STIL: variants seen among roughly 807,000 people sequenced by gnomAD.
STIL encodes STIL centriolar assembly protein, also known as SCL-interrupting locus protein.
In STIL, 55 loss-of-function variants were observed where a neutral mutation model predicts 110.1. The ratio of observed to expected loss-of-function variants is 0.50; its 90% CI spans 0.40 to 0.63. The LOEUF (loss-of-function observed/expected upper bound fraction) is 0.63, where lower values mean the gene tolerates loss of function less well. STIL is among the 20% of genes least tolerant of loss of function. The pLI is 0.00. For missense variants in STIL, 1,358 were observed against 1,530.0 expected (o/e 0.89, Z 1.87); for synonymous variants, 481 against 530.0 (o/e 0.91, Z 1.27).
At chr1:47,278,153 T>C (rs58688029) in intron 12 of STIL, among the ~76,000 whole-genome samples, 26,541 of 152,100 alleles carry the variant, frequency 0.17, 2,957 homozygotes, top group East Asian at 0.52. Flanking sequence ...TACTTGCACA[T>C]AGGTAGTAAG....
At chr1:47,299,801 T>C (rs1645750226) in intron 6 of STIL, 104 bp downstream of exon 6, 1 of 1,207,038 alleles carries the variant, frequency 8.3e-7, no homozygotes, top group Non-Finnish European at 1.2e-6. Context: ...CAAGCCACCA[T>C]ATCTCTGGCA....
At chr1:47,309,641 C>T (rs113209982) in intron 2 of STIL, among the ~76,000 whole-genome samples, 61 of 152,258 alleles carry the variant, frequency 4.0e-4, no homozygotes, top group Admixed American at 1.5e-3. Flanking sequence ...CATTAACTGT[C>T]GTTCCCTAGG....
At chr1:47,306,976 AC>A (rs1400810052) in intron 2 of STIL, among the ~76,000 whole-genome samples, 1 of 152,108 alleles carries the variant, frequency 6.6e-6, no homozygotes, top group Non-Finnish European at 1.5e-5. Flanking sequence ...ACATGGTGAA[AC>A]CCCATCTCCA....
Position 47,266,753 on chromosome 1 carries a change from A to T in STIL, c.2615+2882T>A, listed in dbSNP as rs115625398. ...TTGGTCTTTAGTTTATTAATCAGTT[A>T]GTATCTTAACTTCCACTCTTAACAT... On this transcript the variant is annotated intron_variant, in intron 14 of 16. Coordinates refer to ENST00000371877, the MANE Select transcript of STIL (RefSeq NM_001048166.1). Among the ~76,000 whole-genome samples, 771 of 152,340 alleles carry T rather than the reference A, an allele frequency of 5.1e-3. 8 individuals carry two copies. The highest frequency in any genetic ancestry group is 0.018 in the African/African-American group (742 of 41,574).
At chr1:47,296,570 G>A (rs946266375) in intron 6 of STIL, among the ~76,000 whole-genome samples, 15 of 152,204 alleles carry the variant, frequency 9.9e-5, no homozygotes, top group African/African-American at 3.1e-4. Flanking sequence ...TTGGGAGGCC[G>A]AGGTGGGCAA....
intron 9 of STIL, among the ~76,000 whole-genome samples, chr1:47,288,862 C>A: frequency 7.7e-6 from 1 of 129,048 alleles, no homozygotes; most frequent in Non-Finnish European, 1.6e-5. Context: ...GCATGGCCAA[C>A]ATGGTGAAAC....
intron 12 of STIL, among the ~76,000 whole-genome samples, chr1:47,276,044 C>G (rs1644982227): frequency 6.6e-6 from 1 of 151,808 alleles, no homozygotes; most frequent in African/African-American, 2.4e-5. Flanking sequence ...GCTCTGTCGC[C>G]CAGGCTGGAG....
At chr1:47,300,472 AT>A (rs762624462) in intron 5 of STIL, among the ~76,000 whole-genome samples, 21 of 97,254 alleles carry the variant, frequency 2.2e-4, no homozygotes, top group East Asian at 6.2e-4. Flanking sequence ...ACATAAAATA[AT>A]TTTTTTTTTT....
chr1:47,310,152 A>C, intron 2 of STIL, 124 bp downstream of exon 2: 6 of 816,634 alleles, frequency 7.3e-6, no homozygotes, highest in East Asian at 2.8e-5. Context: ...AACAAGTGGT[A>C]GAGCTAGGAT....
At chr1:47,256,521 G>A (rs892622868) in intron 16 of STIL, among the ~76,000 whole-genome samples, 16 of 151,290 alleles carry the variant, frequency 1.1e-4, no homozygotes, top group African/African-American at 2.9e-4. Flanking sequence ...CTCAGGAGGC[G>A]GAGGCAGAAG....
At position 47,255,823 on chromosome 1, in the gene STIL, C is replaced by A. The variant is rs139685859; in HGVS notation, c.3081-3901G>T. Among the ~76,000 whole-genome samples, 404 of 152,300 alleles carry A rather than the reference C, an allele frequency of 2.7e-3. 4 individuals are homozygous for A. The highest frequency in any genetic ancestry group is 4.7e-3 in the Non-Finnish European group (318 of 68,032). On this transcript the variant is annotated intron_variant, in intron 16 of 16. Transcript: ENST00000371877. The stretch of plus-strand genomic sequence containing the variant: ...GTCTGGCACCCTTTTTCCCTGCCTT[C>A]CTGCCTTTAGACTCTCTTAATCTCT...
intron 14 of STIL, among the ~76,000 whole-genome samples, chr1:47,263,434 G>A (rs1644539220): frequency 6.6e-6 from 1 of 152,174 alleles, no homozygotes; most frequent in Non-Finnish European, 1.5e-5. Context: ...AATCCTAGCT[G>A]CTCAGGAGGC....
intron 8 of STIL, 115 bp downstream of exon 8, chr1:47,293,343 T>C (rs1286009044): frequency 3.7e-6 from 3 of 811,360 alleles, no homozygotes; most frequent in Non-Finnish European, 6.1e-6. Flanking sequence ...AATGTACGTG[T>C]TTATTTATAA....
intron 6 of STIL, among the ~76,000 whole-genome samples, chr1:47,297,831 A>G (rs963978613): frequency 6.6e-6 from 1 of 152,174 alleles, no homozygotes; most frequent in Non-Finnish European, 1.5e-5. Flanking sequence ...AATACTGAAC[A>G]TCCTGGTTAT....
In STIL at chr1:47,251,619, T is replaced by A; in HGVS notation, c.3384A>T (p.Gly1128=). The change falls in exon 17 of 17, where the codon GGA becomes GGT. Residue 1128 remains glycine (G), a synonymous_variant. Coordinates refer to ENST00000371877, the MANE Select transcript of STIL (RefSeq NM_001048166.1). ...CACTATTGTCACTGCTTTGTAGGAG[T>A]CCATATCTCTTCATATATTTTTTGG... The part of the protein sequence containing the change: ...FATKKYMKRY[G]LLQSSDNSED... The A allele has an allele frequency of 6.2e-7, 1 of 1,614,126 alleles. No homozygotes were observed. Among genetic ancestry groups the A allele is most frequent in the Non-Finnish European group, 8.5e-7 (1 of 1,180,024 alleles).
chr1:47,294,788 C>T (rs954070546), intron 7 of STIL, among the ~76,000 whole-genome samples: 3 of 152,204 alleles, frequency 2.0e-5, no homozygotes, highest in Admixed American at 6.5e-5. Context: ...GCAAGATTGA[C>T]TGACAGTGGA....
At position 47,272,239 on chromosome 1, in the gene STIL, A is replaced by T. The variant is rs781386517; in HGVS notation, c.2220T>A (p.Ile740=). The T allele has an allele frequency of 6.2e-6, 10 of 1,614,024 alleles. No individual in the cohort carries two copies. The highest frequency in any genetic ancestry group is 8.5e-6 in the Non-Finnish European group (10 of 1,180,024). The part of the protein sequence containing the change: ...DRQLRLLQAQ[I]QRLLEAQSLM... ...GAGACTGTGCTTCCAACAAACGCTG[A>T]ATCTGTATCAATTAAAAACATACTT... Residue 740 remains isoleucine, a splice_region_variant and synonymous_variant, in exon 13 of 17, where the codon ATT becomes ATA. Transcript: ENST00000371877.
Position 47,272,208 on chromosome 1 carries a change from G to A in STIL, c.2251C>T (p.Pro751Ser). The A allele has an allele frequency of 2.5e-6, 4 of 1,614,138 alleles. No individual in the cohort carries two copies. In the South Asian group the frequency reaches 3.3e-5, roughly 13 times the overall value. Reference sequence around the variant, plus strand: ...ACAGCAGTTGTCTTAGGGGAACAGGGCATCAGAGACTGTGCTTCCAACAAA... The same window carrying A: ...ACAGCAGTTGTCTTAGGGGAACAGGACATCAGAGACTGTGCTTCCAACAAA... Reference protein sequence around the residue: ...QRLLEAQSLMPCSPKTTAVED... With the variant: ...QRLLEAQSLMSCSPKTTAVED... Residue 751 changes from proline (P) to serine (S), a missense_variant, in exon 13 of 17, where the codon CCC (proline) becomes TCC (serine). By Grantham distance (74) the Pro-to-Ser change is moderately conservative (BLOSUM62 -1). Coordinates refer to ENST00000371877, the MANE Select transcript of STIL (RefSeq NM_001048166.1).
chr1:47,288,892 C>CAAAAAAAAAAAAAAAAAA (rs138649605), intron 9 of STIL, among the ~76,000 whole-genome samples: 1 of 94,790 alleles, frequency 1.1e-5, no homozygotes, highest in Non-Finnish European at 2.1e-5. Context: ...AATGAAAATA[C>CAAAAAAAAAAAAAAAAAA]AAAAAAAAAA....
Sources: gnomAD v4.1 joint callset for allele counts (sites outside exome capture counted in the v4.1 genomes callset) on GRCh38, gnomAD v4.1.1 for gene constraint, MANE v1.5 for transcripts, NCBI Gene and HGNC (gene_info 2026-07-23, HGNC 2026-07-21) for gene names.